Variants in NPBWR2 observed in about 807,000 individuals in gnomAD.
NPBWR2 encodes neuropeptides B/W receptor type 2.
For missense variants in NPBWR2, 390 were observed against 458.2 expected, an observed-to-expected ratio of 0.85 and a Z score of 1.36; for synonymous variants, 207 against 223.5, an observed-to-expected ratio of 0.93 and a Z score of 0.66.
Position 64,105,556 on chromosome 20 carries a change from T to G in NPBWR2, c.*274A>C, listed in dbSNP as rs1413694803. 3.3e-4 allele frequency among the ~76,000 whole-genome samples: 1 copy of G among 3,010 alleles called. No individual in the cohort carries two copies. Among genetic ancestry groups the G allele is most frequent in the Non-Finnish European group, 6.5e-4 (1 of 1,546 alleles). 2.0% of individuals were successfully genotyped at this position (3,010 alleles called of 152,430 possible). ...GTGATGGTGGGGGTGGTGGGGGGGG[T>G]GGGCGTGATGATGGGGGTGGGGGTG... On this transcript the variant is annotated 3_prime_UTR_variant, in exon 2 of 2. Coordinates refer to ENST00000684052, the MANE Select transcript of NPBWR2 (RefSeq NM_005286.4).
Position 64,105,685 on chromosome 20 carries a change from G to GCAT in NPBWR2, c.*144_*145insATG. On this transcript the variant is annotated 3_prime_UTR_variant, in exon 2 of 2. Transcript: ENST00000684052. ...GGCATGATGATGGGCGTGATGATGG[G>GCAT]GGTGGTGGTGGGGGTGATGGTGGGG... 2 of 410,138 alleles carry GCAT rather than the reference G, an allele frequency of 4.9e-6. No homozygotes were observed. The highest frequency in any genetic ancestry group is 8.3e-6 in the Non-Finnish European group (2 of 240,478). The allele number at this position is 410,138 out of a possible 1,614,324, so 25.4% of individuals were successfully genotyped here.
At position 64,104,998 on chromosome 20, in the gene NPBWR2, G is replaced by A. The variant is rs1005026410; in HGVS notation, c.*832C>T. ...ACAGGCCATGGCACATGGGCACGGC[G>A]GGGCTGGGCCTCCTGCTGGAACTCC... On this transcript the variant is annotated 3_prime_UTR_variant, in exon 2 of 2. Transcript: ENST00000684052. Among the ~76,000 whole-genome samples the A allele has an allele frequency of 1.3e-5, 2 of 152,092 alleles. No individual in the cohort carries two copies. Among genetic ancestry groups the A allele is most frequent in the African/African-American group, 2.4e-5 (1 of 41,398 alleles).
In NPBWR2 at chr20:64,106,161, G is replaced by T. The variant is rs1980027452; in HGVS notation, c.671C>A (p.Pro224His). The T allele has an allele frequency of 3.1e-6, 5 of 1,612,450 alleles. No individual in the cohort carries two copies. The highest frequency in any genetic ancestry group is 4.2e-6 in the Non-Finnish European group (5 of 1,179,822). ...GTAGAGCACACAGATGGTGCACACG[G>T]GCAGCACGAAGCCCAGGACCAACGT... is the stretch of plus-strand genomic sequence containing the variant. ...VYTLVLGFVL[P>H]VCTICVLYTD... The change falls in exon 2 of 2, where the codon CCC (proline) becomes CAC (histidine). Residue 224 changes from proline to histidine, a missense_variant. Pro to His is a moderately conservative substitution (Grantham distance 77, BLOSUM62 -2). Transcript: ENST00000684052. The surrounding 1 kb of genome is among the most constrained non-coding windows in gnomAD (Gnocchi z 9.5).
rs1190632560 is a variant in NPBWR2, at chr20:64,104,571, G to A, written c.*1259C>T. Among the ~76,000 whole-genome samples the A allele has an allele frequency of 2.8e-5, 4 of 143,386 alleles. No individual in the cohort carries two copies. The highest frequency in any genetic ancestry group is 6.0e-5 in the Non-Finnish European group (4 of 66,322). The allele number at this position is 143,386 out of a possible 152,430, so 94.1% of individuals were successfully genotyped here. On this transcript the variant is annotated 3_prime_UTR_variant, in exon 2 of 2. Transcript: ENST00000684052. ...GGGAGCACAGGCCATGGTGAGGACT[G>A]TCGGCCACAGCAGGGGAGCACAGGC...
chr20:64,106,354 AG>A lies in NPBWR2; in HGVS notation c.477del (p.Tyr160ThrfsTer40), dbSNP rs1569286131. On this transcript the variant is annotated frameshift_variant, in exon 2 of 2. Transcript: ENST00000684052. LOFTEE classifies it low-confidence loss of function (END_TRUNC). This position sits in a 1 kb window ranked among gnomAD's most constrained non-coding sequence, Gnocchi z 9.5. ...AGGCTGGCGACCTTCGCCCCCCGGT[AG>A]GTGCGCCAGGGCATGTGGCGGGACC... ...TVRSRHMPWR[T>X]YRGAKVASLC... The A allele has an allele frequency of 1.9e-6, 3 of 1,612,748 alleles. No individual in the cohort carries two copies. Among genetic ancestry groups the A allele is most frequent in the South Asian group, 1.1e-5 (1 of 91,074 alleles).
chr20:64,106,826 C>T lies in NPBWR2; in HGVS notation c.6G>A (p.Gln2=). The change falls in exon 2 of 2, where the codon CAG becomes CAA. Residue 2 remains glutamine, a synonymous_variant. Transcript: ENST00000684052. This position sits in a 1 kb window ranked among gnomAD's most constrained non-coding sequence, Gnocchi z 9.5. The part of the protein sequence containing the change: M[Q]AAGHPEPLDS... ...CAAGGGGCTCTGGGTGCCCAGCGGC[C>T]TGCATTGTAGCTGGGACCGTTGACG... 6.2e-7 allele frequency: 1 copy of T among 1,609,510 alleles called. No individual in the cohort carries two copies. Among genetic ancestry groups the T allele is most frequent in the Non-Finnish European group, 8.5e-7 (1 of 1,177,514 alleles).
Position 64,106,887 on chromosome 20 carries a change from T to A in NPBWR2, c.-56A>T. On this transcript the variant is annotated 5_prime_UTR_variant, in exon 2 of 2. Transcript: ENST00000684052. The surrounding 1 kb of genome is among the most constrained non-coding windows in gnomAD (Gnocchi z 9.5). ...TGGGCAGGTGGGAGGTGCCTTGGAGTTGGGTATCTGGTTGGGGGCCTCCTT... is the reference window on the plus strand; with the variant it reads ...TGGGCAGGTGGGAGGTGCCTTGGAGATGGGTATCTGGTTGGGGGCCTCCTT... 1 of 1,571,376 alleles carries A rather than the reference T, an allele frequency of 6.4e-7. No homozygotes were observed. The highest frequency in any genetic ancestry group is 8.6e-7 in the Non-Finnish European group (1 of 1,156,102).
At position 64,106,135 on chromosome 20, in the gene NPBWR2, T is replaced by C. The variant is rs760302301; in HGVS notation, c.697A>G (p.Thr233Ala). 6.2e-7 allele frequency: 1 copy of C among 1,612,356 alleles called. No individual in the cohort carries two copies. Among genetic ancestry groups the C allele is most frequent in the Non-Finnish European group, 8.5e-7 (1 of 1,179,856 alleles). The change falls in exon 2 of 2, where the codon ACA becomes GCA. Residue 233 changes from threonine (T) to alanine (A), a missense_variant. Transcript: ENST00000684052. The surrounding 1 kb of genome is among the most constrained non-coding windows in gnomAD (Gnocchi z 9.5). ...LPVCTICVLY[T>A]DLLRRLRAVR... ...GCCCGCAGCCTGCGCAGGAGGTCTG[T>C]GTAGAGCACACAGATGGTGCACACG...
rs141027608 is a variant in NPBWR2 at position 64,106,099 on chromosome 20, G to A, written c.733C>T (p.Arg245Cys). 113 of 1,611,502 alleles carry A rather than the reference G, an allele frequency of 7.0e-5. No individual in the cohort carries two copies. Among genetic ancestry groups the A allele is most frequent in the East Asian group, 3.1e-4 (14 of 44,852 alleles). ...TTGCCTAGAGCCTTGGCTCCAGAGC[G>A]GAGCCGCACGGCCCGCAGCCTGCGC... ...LLRRLRAVRLRSGAKALGKAR... is the reference protein window; with the variant it reads ...LLRRLRAVRLCSGAKALGKAR... Residue 245 changes from arginine to cysteine, a missense_variant, in exon 2 of 2, where the codon CGC becomes TGC. Coordinates refer to ENST00000684052, the MANE Select transcript of NPBWR2 (RefSeq NM_005286.4). The surrounding 1 kb of genome is among the most constrained non-coding windows in gnomAD (Gnocchi z 9.5).
rs1398957467 is a variant in NPBWR2 at position 64,106,284 on chromosome 20, G to A, written c.548C>T (p.Ser183Phe). Residue 183 changes from serine (S) to phenylalanine (F), a missense_variant, in exon 2 of 2, where the codon TCT (serine) becomes TTT (phenylalanine). Coordinates refer to ENST00000684052, the MANE Select transcript of NPBWR2 (RefSeq NM_005286.4). This position sits in a 1 kb window ranked among gnomAD's most constrained non-coding sequence, Gnocchi z 9.5. The stretch of plus-strand genomic sequence containing the variant: ...CTCGTTGCTGTAGACGCCAGCGAAA[G>A]AGAAGAAGGGCAGAACCAGGACCGT... ...GVTVLVLPFF[S>F]FAGVYSNELQ... 6.2e-7 allele frequency: 1 copy of A among 1,612,842 alleles called. No homozygotes were observed.
rs530081514 is a variant in NPBWR2, at chr20:64,105,876, A to G, written c.956T>C (p.Leu319Pro). 5.9e-6 allele frequency: 9 copies of G among 1,536,094 alleles called. No homozygotes were observed. In the African/African-American group the frequency reaches 1.1e-4, roughly 19 times the overall value. ...SCLNPFLYAF[L>P]DDNFRKNFRS... is the part of the protein sequence containing the mutation. ...GAAGTTCTTCCGGAAGTTGTCATCT[A>G]GAAAGGCGTAGAGGAAGGGGTTCAG... Residue 319 changes from leucine to proline, a missense_variant, in exon 2 of 2, where the codon CTA becomes CCA. Transcript: ENST00000684052.
rs1399294057 is a variant in NPBWR2, at chr20:64,106,041, A to G, written c.791T>C (p.Val264Ala). The change falls in exon 2 of 2, where the codon GTC (valine) becomes GCC (alanine). Residue 264 changes from valine to alanine, a missense_variant. Coordinates refer to ENST00000684052, the MANE Select transcript of NPBWR2 (RefSeq NM_005286.4). The surrounding 1 kb of genome is among the most constrained non-coding windows in gnomAD (Gnocchi z 9.5). ...ARRKVTVLVL[V>A]VLAVCLLCWT... Reference sequence around the variant, plus strand: ...GCAGAGGAGGCACACGGCCAGCACGACGAGGACCAGGACGGTCACCTTCCG... The same window carrying G: ...GCAGAGGAGGCACACGGCCAGCACGGCGAGGACCAGGACGGTCACCTTCCG... The G allele has an allele frequency of 1.2e-6, 2 of 1,610,968 alleles. No individual in the cohort carries two copies. The highest frequency in any genetic ancestry group is 1.7e-6 in the Non-Finnish European group (2 of 1,179,404).
In NPBWR2 at chr20:64,106,523, C is replaced by T. The variant is rs368729956; in HGVS notation, c.309G>A (p.Ala103=). The T allele has an allele frequency of 2.0e-5, 32 of 1,612,342 alleles. No individual in the cohort carries two copies. The highest frequency in any genetic ancestry group is 3.3e-4 in the Middle Eastern group (2 of 6,060). The change falls in exon 2 of 2, where the codon GCG becomes GCA. Residue 103 remains alanine (A), a synonymous_variant. Coordinates refer to ENST00000684052, the MANE Select transcript of NPBWR2 (RefSeq NM_005286.4). The surrounding 1 kb of genome is among the most constrained non-coding windows in gnomAD (Gnocchi z 9.5). ...LFTLVLPVNI[A]EHLLQYWPFG... ...AGGGCCAGTACTGCAGCAGGTGCTC[C>T]GCGATGTTGACGGGCAGTACCAGCG...
chr20:64,105,696 G>A lies in NPBWR2; in HGVS notation c.*134C>T. The A allele has an allele frequency of 5.1e-6, 2 of 390,816 alleles. No homozygotes were observed. The highest frequency in any genetic ancestry group is 8.7e-6 in the Non-Finnish European group (2 of 229,638). The allele number at this position is 390,816 out of a possible 1,614,324, so 24.2% of individuals were successfully genotyped here. A position where few individuals can be genotyped will look rare whatever the true frequency, so the allele number is the denominator to read the frequency against. ...GGGCGTGATGATGGGGGTGGTGGTG[G>A]GGGTGATGGTGGGGGTGGTGGTGGG... On this transcript the variant is annotated 3_prime_UTR_variant, in exon 2 of 2. Transcript: ENST00000684052.
At position 64,105,689 on chromosome 20, in the gene NPBWR2, G is replaced by A. The variant is rs1601666259; in HGVS notation, c.*141C>T. On this transcript the variant is annotated 3_prime_UTR_variant, in exon 2 of 2. Coordinates refer to ENST00000684052, the MANE Select transcript of NPBWR2 (RefSeq NM_005286.4). ...TGATGATGGGCGTGATGATGGGGGT[G>A]GTGGTGGGGGTGATGGTGGGGGTGG... The A allele has an allele frequency of 2.7e-6, 1 of 374,554 alleles. No individual in the cohort carries two copies. The highest frequency in any genetic ancestry group is 4.6e-6 in the Non-Finnish European group (1 of 217,744). The allele number at this position is 374,554 out of a possible 1,614,324, so 23.2% of individuals were successfully genotyped here. A position where few individuals can be genotyped will look rare whatever the true frequency, so the allele number is the denominator to read the frequency against.
Position 64,106,340 on chromosome 20 carries a change from C to T in NPBWR2, c.492G>A (p.Lys164=). The part of the protein sequence containing the change: ...HMPWRTYRGA[K]VASLCVWLGV... ...CCAGCCAGACACACAGGCTGGCGAC[C>T]TTCGCCCCCCGGTAGGTGCGCCAGG... Residue 164 remains lysine, a synonymous_variant, in exon 2 of 2, where the codon AAG becomes AAA. Coordinates refer to ENST00000684052, the MANE Select transcript of NPBWR2 (RefSeq NM_005286.4). The surrounding 1 kb of genome is among the most constrained non-coding windows in gnomAD (Gnocchi z 9.5). 6.2e-7 allele frequency: 1 copy of T among 1,612,768 alleles called. No individual in the cohort carries two copies. Among genetic ancestry groups the T allele is most frequent in the Non-Finnish European group, 8.5e-7 (1 of 1,180,002 alleles).
At position 64,106,588 on chromosome 20, in the gene NPBWR2, C is replaced by G; in HGVS notation, c.244G>C (p.Val82Leu). ...GCGACGGCCAGGTTCAGGATGAACA[C>G]GTTGGTCACCGTCTTCATCTTGGGC... ...RAPKMKTVTNVFILNLAVADG... is the reference protein window; with the variant it reads ...RAPKMKTVTNLFILNLAVADG... The change falls in exon 2 of 2, where the codon GTG (valine) becomes CTG (leucine). Residue 82 changes from valine to leucine, a missense_variant. Val to Leu is a conservative substitution (Grantham distance 32). Coordinates refer to ENST00000684052, the MANE Select transcript of NPBWR2 (RefSeq NM_005286.4). This position sits in a 1 kb window ranked among gnomAD's most constrained non-coding sequence, Gnocchi z 9.5. The G allele has an allele frequency of 6.2e-7, 1 of 1,611,742 alleles. No homozygotes were observed.
chr20:64,106,903 G>A lies in NPBWR2; in HGVS notation c.-72C>T. On this transcript the variant is annotated 5_prime_UTR_variant, in exon 2 of 2. Transcript: ENST00000684052. The surrounding 1 kb of genome is among the most constrained non-coding windows in gnomAD (Gnocchi z 9.5). ...GCCTTGGAGTTGGGTATCTGGTTGG[G>A]GGCCTCCTTGGGCTGGATTCTAGGA... 4.6e-6 allele frequency: 7 copies of A among 1,520,250 alleles called. No individual in the cohort carries two copies. Among genetic ancestry groups the A allele is most frequent in the Non-Finnish European group, 5.3e-6 (6 of 1,125,162 alleles). The allele number at this position is 1,520,250 out of a possible 1,614,324, so 94.2% of individuals were successfully genotyped here.
Position 64,105,935 on chromosome 20 carries a change from G to C in NPBWR2, c.897C>G (p.Tyr299Ter). The change falls in exon 2 of 2, where the codon TAC becomes TAG. Residue 299 changes from tyrosine to a stop codon, truncating the protein, a stop_gained. Transcript: ENST00000684052. LOFTEE classifies it low-confidence loss of function (END_TRUNC). ...PQTPLVISMS[Y>*]VITSLSYANS... ...TGGCGTAGCTGAGGCTGGTGATGAC[G>C]TAGGACATACTGATGACCAGTGGGG... 1 of 1,612,874 alleles carries C rather than the reference G, an allele frequency of 6.2e-7. No homozygotes were observed. Among genetic ancestry groups the C allele is most frequent in the African/African-American group, 1.3e-5 (1 of 74,984 alleles).
Sources: allele counts gnomAD v4.1 joint callset (sites outside exome capture counted in the v4.1 genomes callset), GRCh38; gene constraint gnomAD v4.1.1; non-coding constraint Gnocchi (gnomAD v3.1); transcripts MANE v1.5; gene names NCBI Gene and HGNC (gene_info 2026-07-23, HGNC 2026-07-21).